Variants in NKAIN3 observed in about 807,000 individuals in gnomAD.
NKAIN3 encodes sodium/potassium transporting ATPase interacting 3, also known as sodium/potassium-transporting ATPase subunit beta-1-interacting protein 3.
A neutral mutation model predicts 30.2 loss-of-function variants in NKAIN3; 25 were observed. The ratio of observed to expected loss-of-function variants is 0.83; its 90% CI spans 0.60 to 1.16. The LOEUF (loss-of-function observed/expected upper bound fraction) is 1.16, where lower values mean the gene tolerates loss of function less well. Ranked by LOEUF, NKAIN3 falls within the 50% of genes most tolerant of loss-of-function variation. The pLI, the probability that NKAIN3 is intolerant of heterozygous loss-of-function variation, is 0.00. For synonymous variants in NKAIN3, 91 were observed against 89.6 expected (o/e 1.02, Z -0.09); for missense variants, 225 against 254.1 (o/e 0.89, Z 0.78).
chr8:62,910,414 C>T (rs1821896039), intron 4 of NKAIN3, among the ~76,000 whole-genome samples: 1 of 152,240 alleles, frequency 6.6e-6, no homozygotes, highest in Non-Finnish European at 1.5e-5. Context: ...TGAATTTCAA[C>T]TGTATTTACT....
At chr8:62,378,052 A>G (rs1817150442) in intron 1 of NKAIN3, among the ~76,000 whole-genome samples, 1 of 152,186 alleles carries the variant, frequency 6.6e-6, no homozygotes, top group African/African-American at 2.4e-5. Context: ...GGAACATTTT[A>G]GAGACTTGTT....
intron 1 of NKAIN3, among the ~76,000 whole-genome samples, chr8:62,308,820 A>G (rs945777870): frequency 4.7e-5 from 7 of 150,520 alleles, no homozygotes; most frequent in Non-Finnish European, 7.4e-5. Flanking sequence ...AGAAATAGAA[A>G]TTTCAGAACT....
intron 1 of NKAIN3, among the ~76,000 whole-genome samples, chr8:62,516,920 C>T (rs1808009791): frequency 6.6e-6 from 1 of 151,992 alleles, no homozygotes; most frequent in Non-Finnish European, 1.5e-5. Context: ...AGAATGTTCC[C>T]CCTTCAGTCT....
At chr8:62,869,423 G>T (rs2130798153) in intron 4 of NKAIN3, among the ~76,000 whole-genome samples, 1 of 152,312 alleles carries the variant, frequency 6.6e-6, no homozygotes, top group Non-Finnish European at 1.5e-5. Flanking sequence ...AGAACATGCG[G>T]TGTTTGGTTT....
intron 1 of NKAIN3, among the ~76,000 whole-genome samples, chr8:62,517,940 C>A (rs552485652): frequency 3.3e-4 from 50 of 151,704 alleles, no homozygotes; most frequent in Non-Finnish European, 6.8e-4. Context: ...ATATATATAT[C>A]TATATCTTCC....
chr8:62,813,283 G>C (rs560809183), intron 4 of NKAIN3, among the ~76,000 whole-genome samples: 2 of 151,830 alleles, frequency 1.3e-5, no homozygotes, highest in African/African-American at 2.4e-5. Flanking sequence ...TTAATATAAC[G>C]CCTGCAACAT....
At chr8:62,646,508 T>C (rs766548551) in intron 3 of NKAIN3, among the ~76,000 whole-genome samples, 2 of 152,156 alleles carry the variant, frequency 1.3e-5, no homozygotes, top group Non-Finnish European at 2.9e-5. Flanking sequence ...AATATCCTGT[T>C]CTGAACATAA....
intron 4 of NKAIN3, among the ~76,000 whole-genome samples, chr8:62,858,027 G>A (rs1820113025): frequency 1.4e-5 from 1 of 70,702 alleles, no homozygotes; most frequent in South Asian, 6.2e-4. Context: ...GTTCTCACAG[G>A]GATTTTTTCT....
intron 1 of NKAIN3, among the ~76,000 whole-genome samples, chr8:62,372,439 G>GA (rs922129183): frequency 6.6e-6 from 1 of 151,686 alleles, no homozygotes; most frequent in Admixed American, 6.6e-5. Context: ...TCATGTTTCT[G>GA]AAAAAATATA....
chr8:62,627,319 C>G (rs569600654), intron 3 of NKAIN3, among the ~76,000 whole-genome samples: 19 of 152,234 alleles, frequency 1.2e-4, no homozygotes, highest in African/African-American at 4.6e-4. Flanking sequence ...TACACTGATG[C>G]AATCATTCAA....
chr8:62,998,737 A>G (rs16930072), intron 5 of NKAIN3, among the ~76,000 whole-genome samples: 14,824 of 152,168 alleles, frequency 0.097, 712 homozygotes, highest in South Asian at 0.17. Flanking sequence ...TCCTTTCACT[A>G]TGGTGGTTGG....
intron 1 of NKAIN3, among the ~76,000 whole-genome samples, chr8:62,314,360 G>A (rs2129588880): frequency 1.3e-5 from 2 of 152,280 alleles, no homozygotes; most frequent in East Asian, 3.9e-4. Context: ...AACCTGGAGT[G>A]CCATTGTCCA....
intron 1 of NKAIN3, among the ~76,000 whole-genome samples, chr8:62,355,254 C>T (rs1395717385): frequency 2.0e-5 from 3 of 152,176 alleles, no homozygotes; most frequent in African/African-American, 7.2e-5. Flanking sequence ...TTTCATGATG[C>T]GTAGATTCCT....
At chr8:62,889,044 A>G (rs1821226262) in intron 4 of NKAIN3, among the ~76,000 whole-genome samples, 1 of 152,200 alleles carries the variant, frequency 6.6e-6, no homozygotes, top group Admixed American at 6.5e-5. Context: ...AGAAAAATAA[A>G]ATAAAGTAAC....
At chr8:62,718,936 C>A (rs72653215) in intron 3 of NKAIN3, among the ~76,000 whole-genome samples, 27,959 of 151,768 alleles carry the variant, frequency 0.18, 2,781 homozygotes, top group East Asian at 0.39. Flanking sequence ...TATATCTGAC[C>A]CTGTGGTAGG....
intron 1 of NKAIN3, among the ~76,000 whole-genome samples, chr8:62,531,144 T>A (rs1808476820): frequency 6.6e-6 from 1 of 152,136 alleles, no homozygotes; most frequent in African/African-American, 2.4e-5. Flanking sequence ...TGCTTAAGCT[T>A]AAAAACCATG....
chr8:62,494,027 C>A (rs1054061667), intron 1 of NKAIN3, among the ~76,000 whole-genome samples: 2 of 152,074 alleles, frequency 1.3e-5, no homozygotes, highest in African/African-American at 2.4e-5. Flanking sequence ...CTTTCTCTTG[C>A]CTGATTGCTC....
intron 3 of NKAIN3, among the ~76,000 whole-genome samples, chr8:62,679,289 T>A (rs1054649524): frequency 6.6e-6 from 1 of 151,790 alleles, no homozygotes; most frequent in Non-Finnish European, 1.5e-5. Flanking sequence ...CATACAGAAG[T>A]AAGCAAAGCC....
intron 1 of NKAIN3, among the ~76,000 whole-genome samples, chr8:62,401,264 T>C (rs1344660544): frequency 2.0e-5 from 3 of 151,880 alleles, no homozygotes; most frequent in African/African-American, 7.3e-5. Flanking sequence ...TAACTCAGAG[T>C]TTCTGTTTGA....
Sources: allele counts gnomAD v4.1 joint callset (sites outside exome capture counted in the v4.1 genomes callset), GRCh38; gene constraint gnomAD v4.1.1; transcripts MANE v1.5; gene names NCBI Gene and HGNC (gene_info 2026-07-23, HGNC 2026-07-21).